FBXO16: variants seen among roughly 807,000 people sequenced by gnomAD.
FBXO16 encodes F-box only protein 16.
A neutral mutation model predicts 41.0 loss-of-function variants in FBXO16; 31 were observed. The observed-to-expected ratio is 0.76, with a 90% confidence interval of 0.57 to 1.02. The LOEUF (loss-of-function observed/expected upper bound fraction) is 1.02. Among genes scored for constraint, FBXO16 ranks in the 50% least tolerant of loss-of-function variants. FBXO16 has a pLI of 0.00. For missense variants in FBXO16, 361 were observed against 346.2 expected (o/e 1.04, Z -0.34); for synonymous variants, 133 against 117.8 (o/e 1.13, Z -0.84).
At chr8:28,475,609 G>A (rs1336082043) in intron 2 of FBXO16, among the ~76,000 whole-genome samples, 3 of 152,270 alleles carry the variant, frequency 2.0e-5, no homozygotes, top group African/African-American at 7.2e-5. Flanking sequence ...GATGTCCAGG[G>A]ATTTCTCTCC....
chr8:28,436,422 C>T (rs918750479), intron 7 of FBXO16, among the ~76,000 whole-genome samples: 2 of 152,190 alleles, frequency 1.3e-5, no homozygotes, highest in African/African-American at 4.8e-5. Context: ...ATAACCAACG[C>T]AGTTTTAAAG....
At position 28,461,319 on chromosome 8, in the gene FBXO16, A is replaced by G. The variant is rs143829804; in HGVS notation, c.342+2293T>C. 2.1e-3 allele frequency among the ~76,000 whole-genome samples: 314 copies of G among 152,302 alleles called. 2 individuals carry two copies. Among genetic ancestry groups the G allele is most frequent in the South Asian group, 9.5e-3 (46 of 4,826 alleles). On this transcript the variant is annotated intron_variant, in intron 4 of 8. Transcript: ENST00000380254. ...TTATTTGAAATGTTAACACTGCCCA[A>G]TGGTTCTCCATGGTGGTTACATCTA...
In FBXO16 at chr8:28,473,609, C is replaced by T. The variant is rs539816281; in HGVS notation, c.135+163G>A. ...CTTGATCTTGAGCTTCCTAAGCCTC[C>T]GGAACCATGAAAAACAAATGTCTGG... On this transcript the variant is annotated intron_variant, in intron 3 of 8. Coordinates refer to ENST00000380254, the MANE Select transcript of FBXO16 (RefSeq NM_172366.4). 5.9e-5 allele frequency among the ~76,000 whole-genome samples: 9 copies of T among 152,264 alleles called. No homozygotes were observed. In the South Asian group the frequency reaches 1.0e-3, roughly 18 times the overall value.
At chr8:28,437,394 C>T (rs958839294) in intron 7 of FBXO16, among the ~76,000 whole-genome samples, 1 of 152,192 alleles carries the variant, frequency 6.6e-6, no homozygotes, top group African/African-American at 2.4e-5. Context: ...CTCCAAGTAG[C>T]GGGCTCACCT....
At chr8:28,440,143 C>G (rs1197089473) in intron 7 of FBXO16, among the ~76,000 whole-genome samples, 2 of 151,948 alleles carry the variant, frequency 1.3e-5, no homozygotes, top group Admixed American at 6.6e-5. Flanking sequence ...TGCTCTGTCA[C>G]CCAGGCTGGA....
At chr8:28,442,734 G>T (rs750209985) in intron 7 of FBXO16, among the ~76,000 whole-genome samples, 2 of 152,150 alleles carry the variant, frequency 1.3e-5, no homozygotes, top group Non-Finnish European at 2.9e-5. Flanking sequence ...AAGTGGTTCT[G>T]ACTAAGGCAG....
chr8:28,443,271 A>G lies in FBXO16; in HGVS notation c.843+3900T>C, dbSNP rs187987547. Among the ~76,000 whole-genome samples, 489 of 151,790 alleles carry G rather than the reference A, an allele frequency of 3.2e-3. 2 individuals carry two copies. The highest frequency in any genetic ancestry group is 0.01 in the Middle Eastern group (3 of 294). ...AACTCCTGGCCTCAATTATTCTCTC[A>G]TCTCAGCCTCCCAAAGTGCTGGGAT... On this transcript the variant is annotated intron_variant, in intron 7 of 8. Coordinates refer to ENST00000380254, the MANE Select transcript of FBXO16 (RefSeq NM_172366.4).
chr8:28,430,318 A>C (rs1311030399), intron 7 of FBXO16, among the ~76,000 whole-genome samples: 1 of 152,122 alleles, frequency 6.6e-6, no homozygotes, highest in Non-Finnish European at 1.5e-5. Flanking sequence ...AGCTCAAGCA[A>C]TCCTCCCGCT....
chr8:28,478,383 G>C (rs1017116146), intron 2 of FBXO16, among the ~76,000 whole-genome samples: 1 of 152,150 alleles, frequency 6.6e-6, no homozygotes, highest in South Asian at 2.1e-4. Context: ...GGTCAGACCT[G>C]GCGGGGGTGG....
At chr8:28,447,987 A>G (rs1204861189) in intron 6 of FBXO16, among the ~76,000 whole-genome samples, 1 of 152,080 alleles carries the variant, frequency 6.6e-6, no homozygotes, top group African/African-American at 2.4e-5. Flanking sequence ...TGGAAAGATT[A>G]AACCATAAAA....
chr8:28,465,990 T>A (rs1272887718), intron 3 of FBXO16, among the ~76,000 whole-genome samples: 3 of 152,108 alleles, frequency 2.0e-5, no homozygotes, highest in Non-Finnish European at 2.9e-5. Context: ...GCGTGGTGGC[T>A]CATGCCTGGG....
In FBXO16 at chr8:28,486,583, G is replaced by A. The variant is rs183329598; in HGVS notation, c.-16-3121C>T. On this transcript the variant is annotated intron_variant, in intron 1 of 8. Coordinates refer to ENST00000380254, the MANE Select transcript of FBXO16 (RefSeq NM_172366.4). Reference sequence around the variant, plus strand: ...TTGCCTGTAATCCCAGCACTTGGGAGGCTGAAGCAGAAAGACTGCTTGAGC... The same window carrying A: ...TTGCCTGTAATCCCAGCACTTGGGAAGCTGAAGCAGAAAGACTGCTTGAGC... Among the ~76,000 whole-genome samples the A allele has an allele frequency of 6.6e-3, 1,011 of 152,072 alleles. 15 individuals carry two copies. The highest frequency in any genetic ancestry group is 0.012 in the Non-Finnish European group (817 of 67,870).
intron 3 of FBXO16, 39 bp from the exon 4 acceptor site, chr8:28,463,857 G>T: frequency 6.3e-7 from 1 of 1,588,170 alleles, no homozygotes; most frequent in Non-Finnish European, 8.6e-7. Context: ...AAAAGCTCCA[G>T]GTTTAGTCTG....
intron 7 of FBXO16, among the ~76,000 whole-genome samples, chr8:28,431,619 T>G: frequency 6.6e-6 from 1 of 152,138 alleles, no homozygotes; most frequent in East Asian, 1.9e-4. Flanking sequence ...TCATAGCACA[T>G]AGACTTAACA....
At chr8:28,487,299 C>A (rs1295043285) in intron 1 of FBXO16, among the ~76,000 whole-genome samples, 1 of 151,952 alleles carries the variant, frequency 6.6e-6, no homozygotes, top group Non-Finnish European at 1.5e-5. Context: ...CAGTATTTTC[C>A]TCCTTCCTCC....
At chr8:28,455,186 C>T (rs1288175712) in intron 5 of FBXO16, among the ~76,000 whole-genome samples, 4 of 151,876 alleles carry the variant, frequency 2.6e-5, no homozygotes, top group African/African-American at 9.7e-5. Flanking sequence ...AGTGATCCTC[C>T]TGCCTCAGCC....
chr8:28,435,539 G>T (rs1198718522), intron 7 of FBXO16, among the ~76,000 whole-genome samples: 1 of 152,086 alleles, frequency 6.6e-6, no homozygotes, highest in East Asian at 1.9e-4. Flanking sequence ...GAGGGGTAAG[G>T]AAATGCCCCA....
chr8:28,447,967 T>C (rs1429886402), intron 6 of FBXO16, among the ~76,000 whole-genome samples: 1 of 150,210 alleles, frequency 6.7e-6, no homozygotes, highest in African/African-American at 2.5e-5. Flanking sequence ...AAAATAATAA[T>C]AAAATAAAAT....
In FBXO16 at chr8:28,463,787, C is replaced by G. The variant is rs1585910020; in HGVS notation, c.167G>C (p.Arg56Thr). 6.2e-7 allele frequency: 1 copy of G among 1,613,946 alleles called. No homozygotes were observed. Among genetic ancestry groups the G allele is most frequent in the East Asian group, 2.2e-5 (1 of 44,864 alleles). Residue 56 changes from arginine to threonine, a missense_variant, in exon 4 of 9, where the codon AGA becomes ACA. By Grantham distance (71) the Arg-to-Thr change is moderately conservative (BLOSUM62 -1). Transcript: ENST00000380254. ...FDKWTDSQRR[R>T]ILTGLLERCS... is the part of the protein sequence containing the mutation. The stretch of plus-strand genomic sequence containing the variant: ...GCGCTCCAACAGGCCTGTGAGGATT[C>G]TTCTTCTTTGAGAGTCTGTCCATTT...
Sources: gnomAD v4.1 joint callset for allele counts (sites outside exome capture counted in the v4.1 genomes callset) on GRCh38, gnomAD v4.1.1 for gene constraint, MANE v1.5 for transcripts, NCBI Gene and HGNC (gene_info 2026-07-23, HGNC 2026-07-21) for gene names.